COL12A1: variants seen among roughly 807,000 people sequenced by gnomAD.
COL12A1 encodes collagen type XII alpha 1 chain, also known as collagen alpha-1(XII) chain.
A neutral mutation model predicts 349.7 loss-of-function variants in COL12A1; 114 were observed. That is an observed-to-expected ratio of 0.33 (90% CI 0.28 to 0.38). COL12A1 has a LOEUF of 0.38. COL12A1 is among the 10% of genes least tolerant of loss of function. The pLI, the probability that COL12A1 is intolerant of heterozygous loss-of-function variation, is 1.00. For synonymous variants in COL12A1, 1,369 were observed against 1,329.0 expected (o/e 1.03, Z -0.66); for missense variants, 3,284 against 3,756.9 (o/e 0.87, Z 3.29).
chr6:75,188,248 T>C lies in COL12A1; in HGVS notation c.997+114A>G, dbSNP rs974401483. 2.6e-6 allele frequency: 3 copies of C among 1,145,608 alleles called. No individual in the cohort carries two copies. In the African/African-American group the frequency reaches 4.8e-5, roughly 18 times the overall value. 71.0% of individuals were successfully genotyped at this position (1,145,608 alleles called of 1,614,324 possible). ...AAAAACAATACAGTGGAGTATACAATTGTAGAATCACTGGAAGAAATATTT... is the reference window on the plus strand; with the variant it reads ...AAAAACAATACAGTGGAGTATACAACTGTAGAATCACTGGAAGAAATATTT... On this transcript the variant is annotated intron_variant, in intron 8 of 65. Transcript: ENST00000322507.
rs78254970 is a variant in COL12A1 at position 75,170,478 on chromosome 6, T to C, written c.2710+4560A>G. On this transcript the variant is annotated intron_variant, in intron 13 of 65. Coordinates refer to ENST00000322507, the MANE Select transcript of COL12A1 (RefSeq NM_004370.6). ...CATTCCAAAGGACAAAGTTCACTATTGATAAGTTAACTCAGTTACTTTAAG... is the reference window on the plus strand; with the variant it reads ...CATTCCAAAGGACAAAGTTCACTATCGATAAGTTAACTCAGTTACTTTAAG... 6.9e-3 allele frequency among the ~76,000 whole-genome samples: 1,057 copies of C among 152,338 alleles called. 51 individuals are homozygous for C. The East Asian group carries it at 0.12, about 18-fold the overall frequency.
In COL12A1 at chr6:75,136,264, T is replaced by A. The variant is rs539071409; in HGVS notation, c.5394+1173A>T. ...TATCAGTCCATCTAATTTGTCTTATTTTCATATAAATGTCTATTGATTACA... is the reference window on the plus strand; with the variant it reads ...TATCAGTCCATCTAATTTGTCTTATATTCATATAAATGTCTATTGATTACA... On this transcript the variant is annotated intron_variant, in intron 31 of 65. Transcript: ENST00000322507. Among the ~76,000 whole-genome samples, 4 of 152,324 alleles carry A rather than the reference T, an allele frequency of 2.6e-5. No individual in the cohort carries two copies. The South Asian group carries it at 8.3e-4, about 32-fold the overall frequency.
intron 3 of COL12A1, 110 bp from the exon 4 acceptor site, chr6:75,192,465 A>AT: frequency 1.0e-6 from 1 of 971,222 alleles, no homozygotes; most frequent in Non-Finnish European, 1.5e-6. Context: ...CAGTATATAC[A>AT]TTTTTTCAGG....
chr6:75,128,249 T>C (rs1402638590), intron 38 of COL12A1, 47 bp downstream of exon 38: 1 of 1,492,932 alleles, frequency 6.7e-7, no homozygotes, highest in Non-Finnish European at 8.9e-7. Flanking sequence ...CATTAACATA[T>C]TGACAATTTC....
Position 75,085,271 on chromosome 6 carries a change from G to A in COL12A1, c.*1276C>T, listed in dbSNP as rs138961174. On this transcript the variant is annotated 3_prime_UTR_variant, in exon 66 of 66. Transcript: ENST00000322507. ...GCTCCTCTGCAGGCTCGTCTGCGCC[G>A]TAGTCCTCGTATTCCGCTGTCCGCT... 1.5e-5 allele frequency: 7 copies of A among 470,976 alleles called. No homozygotes were observed. Among genetic ancestry groups the A allele is most frequent in the Admixed American group, 1.4e-4 (6 of 42,596 alleles). The allele number at this position is 470,976 out of a possible 1,614,324, so 29.2% of individuals were successfully genotyped here. A position where few individuals can be genotyped will look rare whatever the true frequency, so the allele number is the denominator to read the frequency against.
chr6:75,113,031 G>C, intron 51 of COL12A1, 173 bp downstream of exon 51: 1 of 411,924 alleles, frequency 2.4e-6, no homozygotes, highest in Non-Finnish European at 4.2e-6. Context: ...CTCTTGATTA[G>C]TATATTGTTT....
intron 65 of COL12A1, 69 bp downstream of exon 65, chr6:75,087,508 A>C (rs767762945): frequency 1.3e-6 from 2 of 1,530,222 alleles, no homozygotes; most frequent in Non-Finnish European, 1.8e-6. Context: ...CTTCAATCCT[A>C]AGGAACTTCA....
In COL12A1 at chr6:75,090,021, G is replaced by T. The variant is rs1767679936; in HGVS notation, c.8941+89C>A. 7.0e-7 allele frequency: 1 copy of T among 1,431,594 alleles called. No homozygotes were observed. Among genetic ancestry groups the T allele is most frequent in the Non-Finnish European group, 9.7e-7 (1 of 1,035,186 alleles). 88.7% of individuals were successfully genotyped at this position (1,431,594 alleles called of 1,614,324 possible). On this transcript the variant is annotated intron_variant, in intron 63 of 65. Coordinates refer to ENST00000322507, the MANE Select transcript of COL12A1 (RefSeq NM_004370.6). The surrounding 1 kb of genome is among the most constrained non-coding windows in gnomAD (Gnocchi z 4.1). ...AAGACCAGGGAAAGCAGTTTGCCTA[G>T]GTCACCTTTCAGATGCCTTCAACCT...
chr6:75,191,261 T>C (rs1769917316), intron 5 of COL12A1, among the ~76,000 whole-genome samples: 1 of 151,986 alleles, frequency 6.6e-6, no homozygotes, highest in African/African-American at 2.4e-5. Context: ...CTTAGAAAAG[T>C]ATTTTCATGG....
intron 13 of COL12A1, among the ~76,000 whole-genome samples, chr6:75,166,551 G>A (rs1768319880): frequency 6.6e-6 from 1 of 152,080 alleles, no homozygotes; most frequent in Admixed American, 6.6e-5. Context: ...AGGCACAAAT[G>A]TCTTTCAATA....
At chr6:75,135,169 G>A (rs754143495) in intron 31 of COL12A1, among the ~76,000 whole-genome samples, 10 of 149,880 alleles carry the variant, frequency 6.7e-5, no homozygotes, top group East Asian at 2.0e-4. Flanking sequence ...GGGGCGGGGG[G>A]GACTAATCAT....
chr6:75,181,502 G>A lies in COL12A1; in HGVS notation c.1892-291C>T, dbSNP rs902253909. On this transcript the variant is annotated intron_variant, in intron 10 of 65. Coordinates refer to ENST00000322507, the MANE Select transcript of COL12A1 (RefSeq NM_004370.6). ...GAATTTTGAGATTCTTAAAGCAGTC[G>A]TAATAGAATGGCCTTGCCCATAATT... is the stretch of plus-strand genomic sequence containing the variant. Among the ~76,000 whole-genome samples the A allele has an allele frequency of 5.3e-5, 8 of 152,294 alleles. No individual in the cohort carries two copies. The East Asian group carries it at 5.8e-4, about 11-fold the overall frequency.
At chr6:75,118,253 AT>A (rs1270228414) in intron 46 of COL12A1, among the ~76,000 whole-genome samples, 1 of 152,232 alleles carries the variant, frequency 6.6e-6, no homozygotes, top group Non-Finnish European at 1.5e-5. Flanking sequence ...ATGGCAATAC[AT>A]TTTATAAAAG....
chr6:75,173,274 T>C (rs1562273034), intron 13 of COL12A1, among the ~76,000 whole-genome samples: 1 of 152,232 alleles, frequency 6.6e-6, no homozygotes, highest in Non-Finnish European at 1.5e-5. Context: ...GGGACTCTTC[T>C]AGTTGTAAGT....
At chr6:75,177,500 G>GT (rs944437562) in intron 12 of COL12A1, among the ~76,000 whole-genome samples, 163 bp downstream of exon 12, 1 of 151,804 alleles carries the variant, frequency 6.6e-6, no homozygotes, top group African/African-American at 2.4e-5. Context: ...TCATGATTAA[G>GT]TAAAAAAAAA....
At chr6:75,130,029 T>G in intron 37 of COL12A1, 62 bp downstream of exon 37, 1 of 1,580,248 alleles carries the variant, frequency 6.3e-7, no homozygotes, top group Admixed American at 1.8e-5. Flanking sequence ...TAAAGAAGTT[T>G]AACTTCACTG....
rs769481701 is a variant in COL12A1 at position 75,138,338 on chromosome 6, G to T, written c.5233C>A (p.Pro1745Thr). The T allele has an allele frequency of 1.1e-5, 18 of 1,610,376 alleles. No individual in the cohort carries two copies. In the South Asian group the frequency reaches 1.7e-4, roughly 15 times the overall value. The change falls in exon 30 of 66, where the codon CCT (proline) becomes ACT (threonine). Residue 1745 changes from proline (P) to threonine (T), a missense_variant and splice_region_variant. This residue lies in a region of COL12A1 where 2,601 missense variants were observed against 2,824.8 expected (regional missense o/e 0.92). Transcript: ENST00000322507. ...DDLIGSERTLPILTTQAPKSG... is the reference protein window; with the variant it reads ...DDLIGSERTLTILTTQAPKSG... ...TTCTTACCTTGTGTTGTTAAGATAGGCACTAAAAGAAAACAGAATTTGGGA... is the reference window on the plus strand; with the variant it reads ...TTCTTACCTTGTGTTGTTAAGATAGTCACTAAAAGAAAACAGAATTTGGGA...
rs746556967 is a variant in COL12A1, at chr6:75,143,324, A to G, written c.4755T>C (p.Phe1585=). 2.5e-6 allele frequency: 4 copies of G among 1,613,974 alleles called. 1 individual carries two copies. The South Asian group carries it at 4.4e-5, about 18-fold the overall frequency. ...RDVTHSTMNV[F]WEPVPGKVRK... ...GCACTTTTCCAGGCACAGGTTCCCAAAAGACATTCATAGTGCTGTGAGTCA... is the reference window on the plus strand; with the variant it reads ...GCACTTTTCCAGGCACAGGTTCCCAGAAGACATTCATAGTGCTGTGAGTCA... Residue 1585 remains phenylalanine (F), a synonymous_variant, in exon 26 of 66, where the codon TTT becomes TTC. Coordinates refer to ENST00000322507, the MANE Select transcript of COL12A1 (RefSeq NM_004370.6).
At chr6:75,151,080 A>G in intron 21 of COL12A1, 61 bp downstream of exon 21, 1 of 745,758 alleles carries the variant, frequency 1.3e-6, no homozygotes, top group African/African-American at 1.8e-5. Flanking sequence ...ACCCAAAAGA[A>G]TAATTATTTG....
Sources: gnomAD v4.1 joint callset for allele counts (sites outside exome capture counted in the v4.1 genomes callset) on GRCh38, gnomAD v4.1.1 for gene constraint, gnomAD v4.1.1 regional missense constraint, Gnocchi (gnomAD v3.1) non-coding constraint, MANE v1.5 for transcripts, NCBI Gene and HGNC (gene_info 2026-07-23, HGNC 2026-07-21) for gene names.